SMYD3: variants seen among roughly 807,000 people sequenced by gnomAD.
The protein encoded by SMYD3 is SET and MYND domain containing 3.
In SMYD3, 36 loss-of-function variants were observed where a neutral mutation model predicts 57.7. The observed-to-expected ratio is 0.62, with a 90% CI of 0.48 to 0.82. The LOEUF is 0.82. Ranked by LOEUF, SMYD3 falls within the 40% of genes least tolerant of loss-of-function variation. The pLI is 0.00. For synonymous variants in SMYD3, 211 were observed against 195.0 expected, an observed-to-expected ratio of 1.08 and a Z score of -0.68; for missense variants, 515 against 538.8, an observed-to-expected ratio of 0.96 and a Z score of 0.44.
chr1:246,419,387 C>T (rs1380915962), intron 1 of SMYD3, among the ~76,000 whole-genome samples: 3 of 152,208 alleles, frequency 2.0e-5, no homozygotes, highest in African/African-American at 7.2e-5. Context: ...TGTCCGGCCA[C>T]TTGTCTTCTT....
At chr1:246,290,547 A>T (rs2064669589) in intron 5 of SMYD3, among the ~76,000 whole-genome samples, 1 of 152,204 alleles carries the variant, frequency 6.6e-6, no homozygotes, top group Non-Finnish European at 1.5e-5. Context: ...CGAGTGTGAG[A>T]GTTTCAGACA....
chr1:246,300,540 C>T (rs1244107738), intron 5 of SMYD3, among the ~76,000 whole-genome samples: 8 of 152,038 alleles, frequency 5.3e-5, no homozygotes, highest in East Asian at 1.9e-4. Flanking sequence ...TGGTGTGGGA[C>T]GCCAAGGTAT....
At chr1:246,368,261 G>A (rs1237926596) in intron 1 of SMYD3, among the ~76,000 whole-genome samples, 1 of 152,170 alleles carries the variant, frequency 6.6e-6, no homozygotes, top group Non-Finnish European at 1.5e-5. Flanking sequence ...AACTATGGGG[G>A]TACTATCTTA....
intron 1 of SMYD3, among the ~76,000 whole-genome samples, chr1:246,384,648 C>G (rs1050848799): frequency 6.6e-6 from 1 of 152,132 alleles, no homozygotes; most frequent in African/African-American, 2.4e-5. Flanking sequence ...CTGCCCGCCT[C>G]GGCCTCCCAA....
chr1:246,196,357 G>A (rs2062830802), intron 5 of SMYD3, among the ~76,000 whole-genome samples: 1 of 152,096 alleles, frequency 6.6e-6, no homozygotes, highest in African/African-American at 2.4e-5. Context: ...ATTCCAAGGG[G>A]TAAATTCAAT....
At chr1:245,931,643 A>G (rs1162672081) in intron 5 of SMYD3, among the ~76,000 whole-genome samples, 1 of 152,246 alleles carries the variant, frequency 6.6e-6, no homozygotes, top group African/African-American at 2.4e-5. Flanking sequence ...AAACAAAAAA[A>G]GGAGAAGAGG....
chr1:245,774,386 G>C (rs1168298994), intron 10 of SMYD3, among the ~76,000 whole-genome samples: 1 of 152,182 alleles, frequency 6.6e-6, no homozygotes, highest in Admixed American at 6.5e-5. Flanking sequence ...AGCAGTTGCA[G>C]AGTGGAAGCT....
intron 1 of SMYD3, among the ~76,000 whole-genome samples, chr1:246,383,742 A>G (rs900493383): frequency 6.6e-6 from 1 of 152,198 alleles, no homozygotes; most frequent in Non-Finnish European, 1.5e-5. Flanking sequence ...TGGGTTGATC[A>G]CTTGAGGTCA....
intron 5 of SMYD3, among the ~76,000 whole-genome samples, chr1:245,947,997 G>A (rs2057483235): frequency 6.6e-6 from 1 of 152,106 alleles, no homozygotes; most frequent in South Asian, 2.1e-4. Flanking sequence ...GAATCTCCTA[G>A]GTCCATCCGT....
intron 8 of SMYD3, among the ~76,000 whole-genome samples, chr1:245,885,935 A>G (rs1026845029): frequency 2.0e-5 from 3 of 152,162 alleles, no homozygotes; most frequent in African/African-American, 7.2e-5. Context: ...TGGAGTACTC[A>G]CCCATGTTGA....
intron 5 of SMYD3, among the ~76,000 whole-genome samples, chr1:246,002,391 A>C (rs866319734): frequency 1.8e-5 from 1 of 55,424 alleles, no homozygotes; most frequent in Non-Finnish European, 4.3e-5. Flanking sequence ...TCACCGTGTT[A>C]GCCAGGATGG....
intron 10 of SMYD3, among the ~76,000 whole-genome samples, chr1:245,802,175 T>C (rs1272269788): frequency 1.3e-5 from 2 of 152,204 alleles, no homozygotes; most frequent in Non-Finnish European, 2.9e-5. Flanking sequence ...GCTCTCATAG[T>C]AAACCTGCAT....
chr1:245,823,696 G>A (rs901043519), intron 10 of SMYD3, among the ~76,000 whole-genome samples: 23 of 152,308 alleles, frequency 1.5e-4, no homozygotes, highest in African/African-American at 5.3e-4. Context: ...ACCGTTCAGG[G>A]AAGCCTTTAA....
intron 5 of SMYD3, among the ~76,000 whole-genome samples, chr1:246,092,863 G>T (rs2060845842): frequency 6.6e-6 from 1 of 151,272 alleles, no homozygotes; most frequent in Non-Finnish European, 1.5e-5. Context: ...TCTGACAAGT[G>T]ATTAATAATG....
chr1:245,782,090 A>G (rs1432526969), intron 10 of SMYD3, among the ~76,000 whole-genome samples: 1 of 152,200 alleles, frequency 6.6e-6, no homozygotes, highest in African/African-American at 2.4e-5. Context: ...AGGCCAGGCA[A>G]AAAGGCTAGT....
intron 5 of SMYD3, among the ~76,000 whole-genome samples, chr1:246,147,772 G>A (rs1477560650): frequency 6.6e-6 from 1 of 152,032 alleles, no homozygotes; most frequent in African/African-American, 2.4e-5. Context: ...CTGCAGACCT[G>A]GGCTTCGCGC....
At chr1:246,052,595 G>A (rs2060082690) in intron 5 of SMYD3, 1 of 152,180 alleles carries the variant, frequency 6.6e-6, no homozygotes, top group Non-Finnish European at 1.5e-5. Context: ...TTTTGGTTGA[G>A]GGAGACAGGA....
intron 10 of SMYD3, among the ~76,000 whole-genome samples, chr1:245,807,651 A>C (rs1395354489): frequency 6.6e-6 from 1 of 152,166 alleles, no homozygotes; most frequent in Non-Finnish European, 1.5e-5. Flanking sequence ...TAAGAAACCA[A>C]ATAAAATTAA....
At chr1:246,008,928 C>T (rs1181737120) in intron 5 of SMYD3, among the ~76,000 whole-genome samples, 6 of 152,116 alleles carry the variant, frequency 3.9e-5, no homozygotes, top group Non-Finnish European at 5.9e-5. Context: ...ATGAAGAATT[C>T]GGCTCTGGAG....
Sources: gnomAD v4.1 joint callset for allele counts (sites outside exome capture counted in the v4.1 genomes callset) on GRCh38, gnomAD v4.1.1 for gene constraint, MANE v1.5 for transcripts, NCBI Gene and HGNC (gene_info 2026-07-23, HGNC 2026-07-21) for gene names.